Variants in UPRT observed in about 807,000 individuals in gnomAD.
The protein encoded by UPRT is uracil phosphoribosyltransferase homolog.
In UPRT, 5 loss-of-function variants were observed where a neutral mutation model predicts 22.6. The observed-to-expected ratio is 0.22, with a 90% CI of 0.12 to 0.47. The LOEUF (loss-of-function observed/expected upper bound fraction) is 0.47. Among genes scored for constraint, UPRT ranks in the 20% least tolerant of loss-of-function variants. The probability of loss-of-function intolerance (pLI) is 0.99; values close to 1 mark genes in which losing one functional copy is unlikely to be tolerated. For missense variants in UPRT, 181 were observed against 239.9 expected (o/e 0.75, Z 1.62); for synonymous variants, 77 against 87.7 (o/e 0.88, Z 0.68).
intron 4 of UPRT, among the ~76,000 whole-genome samples, chrX:75,250,165 G>A (rs1452558400): frequency 9.0e-6 from 1 of 110,948 alleles, no homozygotes. Flanking sequence ...AGAAGCAAGA[G>A]CAAACACATT....
At chrX:75,180,221 G>A (rs1442383589) in intron 4 of UPRT, among the ~76,000 whole-genome samples, 1 of 112,270 alleles carries the variant, frequency 8.9e-6, no homozygotes, top group African/African-American at 3.2e-5. Flanking sequence ...TCTTTTCCCA[G>A]TTCCTCTGTC....
chrX:75,232,424 G>A (rs1267446771), intron 4 of UPRT, among the ~76,000 whole-genome samples: 3 of 112,700 alleles, frequency 2.7e-5, no homozygotes, highest in East Asian at 2.8e-4. Context: ...AGCTCGAACT[G>A]GGTGGAGCCC....
At chrX:75,162,507 G>A (rs2082203032) in intron 2 of UPRT, among the ~76,000 whole-genome samples, 1 of 80,481 alleles carries the variant, frequency 1.2e-5, no homozygotes, top group South Asian at 8.5e-4. Flanking sequence ...GTTGAAGTGG[G>A]GTGAGAGAAT....
chrX:75,256,415 AAG>A (rs1389885644), intron 4 of UPRT, among the ~76,000 whole-genome samples: 1 of 111,518 alleles, frequency 9.0e-6, no homozygotes, highest in Non-Finnish European at 1.9e-5. Context: ...GAAAGACTAA[AAG>A]AGCACAAACA....
At chrX:75,191,364 G>T (rs78139435) in intron 4 of UPRT, among the ~76,000 whole-genome samples, 1,911 of 111,881 alleles carry the variant, frequency 0.017, 120 homozygotes, top group Admixed American at 0.14. Flanking sequence ...GTACCCGGCC[G>T]TGTGAGGTGT....
chrX:75,177,168 C>A lies in UPRT; in HGVS notation c.-447+9289C>A, dbSNP rs766792792. Among the ~76,000 whole-genome samples the A allele has an allele frequency of 2.7e-5, 3 of 110,503 alleles. No individual in the cohort carries two copies. The South Asian group carries it at 1.2e-3, about 45-fold the overall frequency. Reference sequence around the variant, plus strand: ...TCACCGACACAGCAGCAGAAACAACCCCTGCCCAAGAACCCGCAATGGTCC... The same window carrying A: ...TCACCGACACAGCAGCAGAAACAACACCTGCCCAAGAACCCGCAATGGTCC... On this transcript the variant is annotated intron_variant, in intron 4 of 13. Transcript: ENST00000652605.
chrX:75,225,152 T>C (rs1451972794), intron 4 of UPRT, among the ~76,000 whole-genome samples: 1 of 111,028 alleles, frequency 9.0e-6, no homozygotes, highest in Non-Finnish European at 1.9e-5. Context: ...TCTCAGCATG[T>C]CATGCTCAAG....
intron 4 of UPRT, among the ~76,000 whole-genome samples, chrX:75,191,618 G>A (rs374310915): frequency 5.3e-5 from 6 of 112,218 alleles, no homozygotes; most frequent in African/African-American, 1.9e-4. Context: ...CACCCAGTTC[G>A]AGCTTCCTGG....
chrX:75,268,570 T>G (rs1201767076), intron 4 of UPRT, among the ~76,000 whole-genome samples: 2 of 111,519 alleles, frequency 1.8e-5, no homozygotes, highest in African/African-American at 6.5e-5. Flanking sequence ...ACGATCAAGT[T>G]GGCTTCATCC....
chrX:75,255,195 T>C (rs187703027), intron 4 of UPRT, among the ~76,000 whole-genome samples: 1 of 111,834 alleles, frequency 8.9e-6, no homozygotes, highest in African/African-American at 3.2e-5. Context: ...TGGAACCCTA[T>C]CTTAAGCCTC....
At chrX:75,288,349 C>A (rs2082690906) in intron 1 of UPRT, among the ~76,000 whole-genome samples, 1 of 111,581 alleles carries the variant, frequency 9.0e-6, no homozygotes, top group Non-Finnish European at 1.9e-5. Flanking sequence ...TCCAGCATCA[C>A]CCTGATAACA....
chrX:75,257,502 C>T (rs2082553030), intron 4 of UPRT, among the ~76,000 whole-genome samples: 1 of 111,463 alleles, frequency 9.0e-6, no homozygotes, highest in Non-Finnish European at 1.9e-5. Context: ...CAACATAGTA[C>T]TAAAAGTCCT....
chrX:75,283,321 T>C (rs375770744), intron 1 of UPRT, among the ~76,000 whole-genome samples: 1 of 111,797 alleles, frequency 8.9e-6, no homozygotes, highest in Non-Finnish European at 1.9e-5. Flanking sequence ...ATTGTGCTCT[T>C]TGTTGTCTAT....
intron 4 of UPRT, among the ~76,000 whole-genome samples, chrX:75,258,676 A>G (rs748435425): frequency 8.9e-6 from 1 of 111,924 alleles, no homozygotes; most frequent in African/African-American, 3.2e-5. Flanking sequence ...ACCTCAGGGA[A>G]GGGGCGGCTG....
At chrX:75,290,172 CAT>C (rs765580142) in intron 1 of UPRT, among the ~76,000 whole-genome samples, 2 of 112,059 alleles carry the variant, frequency 1.8e-5, no homozygotes, top group Non-Finnish European at 3.8e-5. Context: ...CAAAAGAAGA[CAT>C]ACAAACAGCC....
At chrX:75,264,689 A>C (rs1221225730) in intron 4 of UPRT, among the ~76,000 whole-genome samples, 1 of 111,475 alleles carries the variant, frequency 9.0e-6, no homozygotes, top group Non-Finnish European at 1.9e-5. Flanking sequence ...GCCCATTTAC[A>C]TTTAATGTTA....
intron 1 of UPRT, among the ~76,000 whole-genome samples, chrX:75,281,996 G>A (rs1382488022): frequency 9.1e-6 from 1 of 110,444 alleles, no homozygotes; most frequent in African/African-American, 3.3e-5. Flanking sequence ...AAGCAAGGAG[G>A]GTTGTATTTT....
intron 3 of UPRT, among the ~76,000 whole-genome samples, chrX:75,165,292 AGTTT>A (rs1377676513): frequency 8.9e-6 from 1 of 111,817 alleles, no homozygotes; most frequent in African/African-American, 3.2e-5. Context: ...CAACAAGCCC[AGTTT>A]GTTTAACCTT....
At chrX:75,185,673 C>A in intron 4 of UPRT, among the ~76,000 whole-genome samples, 1 of 112,058 alleles carries the variant, frequency 8.9e-6, no homozygotes, top group Non-Finnish European at 1.9e-5. Context: ...TGTTGGTAAG[C>A]TATTAATTAT....
Sources: allele counts gnomAD v4.1 joint callset (sites outside exome capture counted in the v4.1 genomes callset), GRCh38; gene constraint gnomAD v4.1.1; transcripts MANE v1.5; gene names NCBI Gene and HGNC (gene_info 2026-07-23, HGNC 2026-07-21).